HS3ST5: variants seen among roughly 807,000 people sequenced by gnomAD.
HS3ST5 encodes heparan sulfate-glucosamine 3-sulfotransferase 5, also known as heparan sulfate glucosamine 3-O-sulfotransferase 5.
HS3ST5 carries 10 observed loss-of-function variants against 25.4 expected under a neutral mutation model. The ratio of observed to expected loss-of-function variants is 0.39; its 90% CI spans 0.24 to 0.67. The LOEUF (loss-of-function observed/expected upper bound fraction) is 0.67, where lower values mean the gene tolerates loss of function less well. HS3ST5 is among the 30% of genes least tolerant of loss of function. HS3ST5 has a pLI of 0.44. For synonymous variants in HS3ST5, 170 were observed against 162.4 expected (o/e 1.05, Z -0.36); for missense variants, 324 against 420.7 (o/e 0.77, Z 2.01).
At chr6:114,294,647 G>A (rs138922522) in intron 1 of HS3ST5, among the ~76,000 whole-genome samples, 10 of 151,966 alleles carry the variant, frequency 6.6e-5, no homozygotes, top group African/African-American at 1.2e-4. Context: ...GGGTTTCACC[G>A]TGGTCTCCAT....
At chr6:114,129,854 A>G (rs562869238) in intron 3 of HS3ST5, among the ~76,000 whole-genome samples, 1 of 152,238 alleles carries the variant, frequency 6.6e-6, no homozygotes, top group African/African-American at 2.4e-5. Context: ...ATTCTTACAG[A>G]TATTAAAGGT....
intron 3 of HS3ST5, among the ~76,000 whole-genome samples, chr6:114,115,215 A>G (rs1418049019): frequency 6.6e-6 from 1 of 152,094 alleles, no homozygotes; most frequent in Admixed American, 6.6e-5. Context: ...GGGTATGTTC[A>G]TTTTCCTGAA....
intron 3 of HS3ST5, among the ~76,000 whole-genome samples, chr6:114,153,667 T>TA (rs377257063): frequency 3.9e-5 from 6 of 152,216 alleles, no homozygotes; most frequent in African/African-American, 1.4e-4. Context: ...AGGAGGCCAG[T>TA]AAAAAACGTA....
Position 114,062,787 on chromosome 6 carries a change from G to T in HS3ST5, c.59C>A (p.Ala20Asp), listed in dbSNP as rs1358717418. The T allele has an allele frequency of 6.2e-7, 1 of 1,613,918 alleles. No homozygotes were observed. The highest frequency in any genetic ancestry group is 1.1e-5 in the South Asian group (1 of 91,070). ...RQKLLVLGSL[A>D]VGSLLYLVAR... ...GACTAGATACAGGAGACTCCCAACG[G>T]CAAGGCTTCCCAGCACCAGGAGCTT... Residue 20 changes from alanine to aspartate, a missense_variant, in exon 4 of 5, where the codon GCC becomes GAC. This residue lies in a region of HS3ST5 where 121 missense variants were observed against 117.3 expected (regional missense o/e 1.03). Transcript: ENST00000312719.
chr6:114,250,453 C>T (rs1490583924), intron 1 of HS3ST5, among the ~76,000 whole-genome samples: 4 of 151,978 alleles, frequency 2.6e-5, no homozygotes, highest in Admixed American at 6.6e-5. Context: ...TGGTGGCAGG[C>T]GCCTGTAGTC....
chr6:114,132,974 A>G (rs1307416142), intron 3 of HS3ST5, among the ~76,000 whole-genome samples: 2 of 152,052 alleles, frequency 1.3e-5, no homozygotes, highest in Non-Finnish European at 2.9e-5. Context: ...ATTTTTGTCA[A>G]CTTGATCCCC....
At chr6:114,079,624 A>G (rs1774335849) in intron 3 of HS3ST5, among the ~76,000 whole-genome samples, 1 of 152,234 alleles carries the variant, frequency 6.6e-6, no homozygotes, top group Non-Finnish European at 1.5e-5. Context: ...GTTAAGGTCA[A>G]TAATTTGAAC....
intron 3 of HS3ST5, among the ~76,000 whole-genome samples, chr6:114,070,296 A>G (rs1460924013): frequency 6.6e-6 from 1 of 151,492 alleles, no homozygotes; most frequent in Non-Finnish European, 1.5e-5. Flanking sequence ...AAAAAAAAAG[A>G]GGAGAAATGT....
chr6:114,238,174 A>C (rs1281070141), intron 1 of HS3ST5, among the ~76,000 whole-genome samples: 1 of 152,218 alleles, frequency 6.6e-6, no homozygotes, highest in Non-Finnish European at 1.5e-5. Context: ...TTATTAGATG[A>C]CTAAAACTCT....
intron 3 of HS3ST5, among the ~76,000 whole-genome samples, chr6:114,073,118 C>A (rs1452054248): frequency 6.6e-6 from 1 of 152,146 alleles, no homozygotes; most frequent in African/African-American, 2.4e-5. Context: ...TGGATCCCTT[C>A]CTTACACCTT....
Position 114,230,752 on chromosome 6 carries a change from AT to A in HS3ST5, c.-338-1975del, listed in dbSNP as rs201315419. The stretch of plus-strand genomic sequence containing the variant: ...CAGGCATACACCACCACACCCTGCT[AT>A]TTTTTTTTGTATTTTTAATAGAGAC... On this transcript the variant is annotated intron_variant, in intron 1 of 4. Transcript: ENST00000312719. Among the ~76,000 whole-genome samples, 135 of 149,434 alleles carry A rather than the reference AT, an allele frequency of 9.0e-4. 1 individual carries two copies. The highest frequency in any genetic ancestry group is 3.2e-3 in the African/African-American group (130 of 40,644).
chr6:114,293,464 G>A (rs1439469144), intron 1 of HS3ST5, among the ~76,000 whole-genome samples: 4 of 152,152 alleles, frequency 2.6e-5, no homozygotes, highest in Non-Finnish European at 5.9e-5. Context: ...ATTAATATTT[G>A]TTTCAGAAAG....
In HS3ST5 at chr6:114,200,500, T is replaced by C. The variant is rs115477807; in HGVS notation, c.-145+28085A>G. Among the ~76,000 whole-genome samples the C allele has an allele frequency of 5.6e-3, 858 of 152,358 alleles. 4 individuals carry two copies. The highest frequency in any genetic ancestry group is 0.024 in the Middle Eastern group (7 of 294). On this transcript the variant is annotated intron_variant, in intron 2 of 4. Transcript: ENST00000312719. Reference sequence around the variant, plus strand: ...TAACGAGCATCACATTTTGGTTTAATGCATATTCAATAATAAAAGTACTTT... The same window carrying C: ...TAACGAGCATCACATTTTGGTTTAACGCATATTCAATAATAAAAGTACTTT...
chr6:114,310,357 G>C (rs1377322100), intron 1 of HS3ST5, among the ~76,000 whole-genome samples: 1 of 152,104 alleles, frequency 6.6e-6, no homozygotes, highest in Non-Finnish European at 1.5e-5. Flanking sequence ...TTTTTTTTCA[G>C]AGAGATATGA....
At chr6:114,210,515 A>G (rs1781468248) in intron 2 of HS3ST5, among the ~76,000 whole-genome samples, 1 of 152,216 alleles carries the variant, frequency 6.6e-6, no homozygotes, top group Non-Finnish European at 1.5e-5. Flanking sequence ...ATGGCTTACT[A>G]TGAACGCAAA....
At chr6:114,114,185 G>A (rs1219380600) in intron 3 of HS3ST5, among the ~76,000 whole-genome samples, 7 of 152,134 alleles carry the variant, frequency 4.6e-5, no homozygotes, top group South Asian at 4.1e-4. Context: ...CCACTATAGT[G>A]CCAAACATGT....
rs367629035 is a variant in HS3ST5, at chr6:114,057,738, G to A, written c.560C>T (p.Thr187Ile). 14 of 1,613,982 alleles carry A rather than the reference G, an allele frequency of 8.7e-6. No homozygotes were observed. The African/African-American group carries it at 1.9e-4, about 22-fold the overall frequency. ...KLLIIVREPT[T>I]RAISDYTQVL... is the part of the protein sequence containing the mutation. ...CTGAGTATAATCAGAAATAGCTCTT[G>A]TGGTTGGCTCCCTGACAATGATCAA... The change falls in exon 5 of 5, where the codon ACA becomes ATA. Residue 187 changes from threonine (T) to isoleucine (I), a missense_variant. This residue lies in a region of HS3ST5 where 203 missense variants were observed against 303.4 expected (regional missense o/e 0.67). Transcript: ENST00000312719.
chr6:114,174,213 A>G (rs571051760), intron 2 of HS3ST5, among the ~76,000 whole-genome samples: 1 of 151,958 alleles, frequency 6.6e-6, no homozygotes, highest in East Asian at 2.0e-4. Flanking sequence ...TCTCCTCTTC[A>G]GTCTCAGCTT....
chr6:114,164,163 A>G (rs1017643327), intron 3 of HS3ST5, among the ~76,000 whole-genome samples: 2 of 133,496 alleles, frequency 1.5e-5, no homozygotes, highest in African/African-American at 5.5e-5. Flanking sequence ...CTATTTCACT[A>G]TCTTGCATAA....
Sources: allele counts gnomAD v4.1 joint callset (sites outside exome capture counted in the v4.1 genomes callset), GRCh38; gene constraint gnomAD v4.1.1; regional missense constraint gnomAD v4.1.1; transcripts MANE v1.5; gene names NCBI Gene and HGNC (gene_info 2026-07-23, HGNC 2026-07-21).